NCKAP5: variants seen among roughly 807,000 people sequenced by gnomAD.
NCKAP5 encodes the protein nck-associated protein 5.
A neutral mutation model predicts 167.0 loss-of-function variants in NCKAP5; 92 were observed. The ratio of observed to expected loss-of-function variants is 0.55; its 90% CI spans 0.47 to 0.66. NCKAP5 has a LOEUF of 0.66. Among genes scored for constraint, NCKAP5 ranks in the 30% least tolerant of loss-of-function variants. The pLI, the probability that NCKAP5 is intolerant of heterozygous loss-of-function variation, is 0.00. For synonymous variants in NCKAP5, 891 were observed against 877.4 expected (o/e 1.02, Z -0.27); for missense variants, 2,378 against 2,315.0 (o/e 1.03, Z -0.56).
chr2:133,649,757 T>C, the NCKAP5 span, among the ~76,000 whole-genome samples: 2 of 152,058 alleles, frequency 1.3e-5, no homozygotes, highest in Non-Finnish European at 2.9e-5. Context: ...AAAGAACATG[T>C]GTGAAAAGCC....
the NCKAP5 span, among the ~76,000 whole-genome samples, chr2:133,614,329 C>T: frequency 6.6e-6 from 1 of 152,146 alleles, no homozygotes; most frequent in South Asian, 2.1e-4. Flanking sequence ...GAGAAGAAGG[C>T]TTCAGAAGAT....
At position 133,457,681 on chromosome 2, in the gene NCKAP5, G is replaced by T. The variant is rs112483416; in HGVS notation, c.69+59777C>A. Reference sequence around the variant, plus strand: ...CATGGGTTGCCAAGTAAGGAGAGGTGCAAGGCAACTCAAATAGCATTCGTT... The same window carrying T: ...CATGGGTTGCCAAGTAAGGAGAGGTTCAAGGCAACTCAAATAGCATTCGTT... On this transcript the variant is annotated intron_variant, in intron 3 of 19. Coordinates refer to ENST00000409261, the MANE Select transcript of NCKAP5 (RefSeq NM_207363.3). Among the ~76,000 whole-genome samples, 1,341 of 152,228 alleles carry T rather than the reference G, an allele frequency of 8.8e-3. 21 individuals are homozygous for T. Among genetic ancestry groups the T allele is most frequent in the African/African-American group, 0.03 (1,235 of 41,552 alleles).
the NCKAP5 span, among the ~76,000 whole-genome samples, chr2:133,667,858 T>C: frequency 6.6e-6 from 1 of 151,982 alleles, no homozygotes; most frequent in Non-Finnish European, 1.5e-5. Context: ...TTCACAGAGT[T>C]GTACTATCAG....
intron 3 of NCKAP5, among the ~76,000 whole-genome samples, chr2:133,350,881 C>T (rs1684315536): frequency 6.6e-6 from 1 of 151,908 alleles, no homozygotes; most frequent in Admixed American, 6.6e-5. Context: ...CCCTTCACAC[C>T]CTCTCCCTCT....
intron 11 of NCKAP5, among the ~76,000 whole-genome samples, chr2:132,856,041 G>A (rs1342269177): frequency 3.3e-5 from 5 of 152,144 alleles, no homozygotes; most frequent in Non-Finnish European, 5.9e-5. Flanking sequence ...GCGGGCGCCT[G>A]TAGTCCCAGC....
At chr2:132,716,061 AT>A (rs1689343244) in intron 19 of NCKAP5, among the ~76,000 whole-genome samples, 1 of 152,166 alleles carries the variant, frequency 6.6e-6, no homozygotes, top group Non-Finnish European at 1.5e-5. Context: ...GCAGATTAGT[AT>A]CCCCTTCCCT....
chr2:133,619,228 C>T, the NCKAP5 span, among the ~76,000 whole-genome samples: 13 of 147,656 alleles, frequency 8.8e-5, no homozygotes, highest in Non-Finnish European at 1.3e-4. Flanking sequence ...GTGGGTGCAG[C>T]GCACCAGCAT....
At chr2:132,988,819 A>C (rs552014760) in intron 7 of NCKAP5, among the ~76,000 whole-genome samples, 1 of 152,336 alleles carries the variant, frequency 6.6e-6, no homozygotes, top group Non-Finnish European at 1.5e-5. Context: ...CCTAGAGGGT[A>C]CTTGATTTTT....
At chr2:132,708,960 C>A (rs1688604255) in intron 19 of NCKAP5, among the ~76,000 whole-genome samples, 1 of 152,112 alleles carries the variant, frequency 6.6e-6, no homozygotes, top group Middle Eastern at 3.4e-3. Flanking sequence ...ATTTAAGGAT[C>A]CTTTCTCTTC....
chr2:133,048,910 C>G (rs2079502335), intron 6 of NCKAP5, among the ~76,000 whole-genome samples: 1 of 152,114 alleles, frequency 6.6e-6, no homozygotes, highest in Non-Finnish European at 1.5e-5. Flanking sequence ...CAGCAGAGGC[C>G]TAAGGGCAGG....
At chr2:132,693,388 A>G (rs781636430) in intron 19 of NCKAP5, among the ~76,000 whole-genome samples, 1 of 152,162 alleles carries the variant, frequency 6.6e-6, no homozygotes, top group Non-Finnish European at 1.5e-5. Context: ...ACAGGAAGAC[A>G]TGCACGGAGG....
At chr2:133,395,539 T>C (rs535921634) in intron 3 of NCKAP5, among the ~76,000 whole-genome samples, 11 of 152,332 alleles carry the variant, frequency 7.2e-5, no homozygotes, top group African/African-American at 9.6e-5. Flanking sequence ...TTCTTGGAAT[T>C]ATCAGAACAT....
chr2:133,264,507 G>A (rs190932573), intron 4 of NCKAP5, among the ~76,000 whole-genome samples: 261 of 152,232 alleles, frequency 1.7e-3, no homozygotes, highest in Non-Finnish European at 3.1e-3. Flanking sequence ...TCCCACCCCC[G>A]GGGGCCTACA....
Position 132,782,649 on chromosome 2 carries a change from G to T in NCKAP5, c.4162C>A (p.Gln1388Lys), listed in dbSNP as rs1204237194. The change falls in exon 14 of 20, where the codon CAG (glutamine) becomes AAG (lysine). Residue 1388 changes from glutamine (Q) to lysine (K), a missense_variant. Physicochemically the swap from Gln to Lys is moderately conservative, Grantham distance 53. Around this residue, in one of 3 missense-constraint regions of NCKAP5, gnomAD observed 1,325 missense variants for 1,274.5 expected, o/e 1.04. Transcript: ENST00000409261. ...GLLIPPGKED[Q>K]QAFTQGECPS... Reference sequence around the variant, plus strand: ...CACTCTCCCTGGGTGAAGGCCTGCTGGTCTTCCTTTCCAGGTGGGATGAGG... The same window carrying T: ...CACTCTCCCTGGGTGAAGGCCTGCTTGTCTTCCTTTCCAGGTGGGATGAGG... The T allele has an allele frequency of 1.9e-6, 3 of 1,610,286 alleles. No homozygotes were observed. Among genetic ancestry groups the T allele is most frequent in the Non-Finnish European group, 2.5e-6 (3 of 1,178,200 alleles).
At chr2:132,988,860 T>C (rs2077372361) in intron 7 of NCKAP5, among the ~76,000 whole-genome samples, 1 of 152,230 alleles carries the variant, frequency 6.6e-6, no homozygotes, top group South Asian at 2.1e-4. Flanking sequence ...GCTATTTACA[T>C]TAATTGGTGA....
At chr2:133,448,393 G>A (rs913294811) in intron 3 of NCKAP5, among the ~76,000 whole-genome samples, 4 of 152,084 alleles carry the variant, frequency 2.6e-5, no homozygotes, top group East Asian at 1.9e-4. Context: ...GAGCGAGCCC[G>A]TATTTAACTA....
intron 11 of NCKAP5, among the ~76,000 whole-genome samples, chr2:132,843,234 A>G (rs1688422018): frequency 6.6e-6 from 1 of 152,100 alleles, no homozygotes. Flanking sequence ...TGTATTCTTT[A>G]TATCTTTACG....
intron 3 of NCKAP5, among the ~76,000 whole-genome samples, chr2:133,514,003 G>A (rs1295301740): frequency 6.6e-6 from 1 of 152,170 alleles, no homozygotes; most frequent in Non-Finnish European, 1.5e-5. Flanking sequence ...AGCACAGTGT[G>A]AAATGATGAC....
chr2:132,829,201 A>G (rs990126807), intron 11 of NCKAP5, among the ~76,000 whole-genome samples: 2 of 152,346 alleles, frequency 1.3e-5, no homozygotes, highest in Admixed American at 1.3e-4. Flanking sequence ...GCATCAAAGT[A>G]AACAGCATGG....
Sources: allele counts gnomAD v4.1 joint callset (sites outside exome capture counted in the v4.1 genomes callset), GRCh38; gene constraint gnomAD v4.1.1; regional missense constraint gnomAD v4.1.1; transcripts MANE v1.5; gene names NCBI Gene and HGNC (gene_info 2026-07-23, HGNC 2026-07-21).